LRRC43: variants seen among roughly 807,000 people sequenced by gnomAD.
The protein encoded by LRRC43 is leucine rich repeat containing 43, also known as leucine-rich repeat-containing protein 43.
Under a neutral mutation model 64.3 loss-of-function variants are expected in LRRC43, and 62 were observed. The observed-to-expected ratio is 0.96, with a 90% CI of 0.79 to 1.19. The LOEUF is 1.19. Ranked by LOEUF, LRRC43 falls within the 50% of genes most tolerant of loss-of-function variation. The pLI is 0.00. For synonymous variants in LRRC43, 422 were observed against 382.3 expected, an observed-to-expected ratio of 1.10 and a Z score of -1.21; for missense variants, 868 against 845.0, an observed-to-expected ratio of 1.03 and a Z score of -0.34.
At chr12:122,175,506 CT>C (rs201236097) in intron 1 of LRRC43, among the ~76,000 whole-genome samples, 23,011 of 140,072 alleles carry the variant, frequency 0.16, 1,851 homozygotes, top group Admixed American at 0.25. Flanking sequence ...CTTTTTCTTT[CT>C]TTTTTTTTTT....
At chr12:122,171,526 G>C (rs1254763141) in intron 1 of LRRC43, among the ~76,000 whole-genome samples, 1 of 151,648 alleles carries the variant, frequency 6.6e-6, no homozygotes, top group Non-Finnish European at 1.5e-5. Flanking sequence ...TTTTTGTTTT[G>C]TTTTGGGTTG....
At chr12:122,168,153 T>A (rs995766423) in intron 1 of LRRC43, among the ~76,000 whole-genome samples, 4 of 142,614 alleles carry the variant, frequency 2.8e-5, no homozygotes, top group Admixed American at 1.4e-4. Flanking sequence ...AAAATAGAAG[T>A]GGGAAGGCCG....
chr12:122,180,140 A>G (rs1953569617), upstream of LRRC43, among the ~76,000 whole-genome samples: 1 of 152,180 alleles, frequency 6.6e-6, no homozygotes, highest in Non-Finnish European at 1.5e-5. Context: ...ATTGGGCAAC[A>G]TGAGGTCACA....
Position 122,192,942 on chromosome 12 carries a change from C to T in LRRC43, c.1287C>T (p.Ala429=), listed in dbSNP as rs1248312197. 1.2e-6 allele frequency: 2 copies of T among 1,614,048 alleles called. No individual in the cohort carries two copies. Among genetic ancestry groups the T allele is most frequent in the Non-Finnish European group, 1.7e-6 (2 of 1,179,986 alleles). ...CGACCATCTTGCAGATGCCGAGGGC[C>T]TCTGCAGAAGAGCTGGCCAAGTTGA... The part of the protein sequence containing the change: ...GPSTILQMPR[A]SAEELAKLRL... Residue 429 remains alanine, a synonymous_variant, in exon 7 of 12, where the codon GCC becomes GCT. Transcript: ENST00000339777.
intron 10 of LRRC43, 23 bp from the exon 11 acceptor site, chr12:122,201,273 C>T (rs371797575): frequency 4.3e-6 from 7 of 1,613,646 alleles, no homozygotes; most frequent in East Asian, 2.2e-5. Flanking sequence ...GTAAGCATCT[C>T]GTTTTGTGGT....
At chr12:122,168,021 G>C (rs1042260455) in intron 1 of LRRC43, among the ~76,000 whole-genome samples, 1 of 150,894 alleles carries the variant, frequency 6.6e-6, no homozygotes, top group Non-Finnish European at 1.5e-5. Flanking sequence ...TTACCATGTT[G>C]GCCAGGCTGG....
intron 1 of LRRC43, among the ~76,000 whole-genome samples, chr12:122,175,886 C>CT (rs1237514060): frequency 5.3e-5 from 8 of 152,180 alleles, no homozygotes; most frequent in African/African-American, 1.9e-4. Context: ...AGGCTGGCCT[C>CT]TATCTCCTGA....
At chr12:122,173,841 C>A in intron 1 of LRRC43, 1 of 1,613,102 alleles carries the variant, frequency 6.2e-7, no homozygotes, top group South Asian at 1.1e-5. Flanking sequence ...CTAGGACACT[C>A]ACATCTTTCA....
chr12:122,174,379 C>G (rs1226535609), intron 1 of LRRC43, among the ~76,000 whole-genome samples: 1 of 152,236 alleles, frequency 6.6e-6, no homozygotes, highest in Non-Finnish European at 1.5e-5. Context: ...AATGGAAATG[C>G]TGAGGTTACC....
rs369393381 is a variant in LRRC43 at position 122,174,208 on chromosome 12, T to A, written c.-406+6426T>A. On this transcript the variant is annotated intron_variant, in intron 1 of 5. Transcript: ENST00000537729. ...AGCAAGGCCAGCTTCAGTGGGGGCT[T>A]CTGGAGCCAGATGTGTTCGCCATGG... 6.1e-5 allele frequency: 99 copies of A among 1,613,882 alleles called. No individual in the cohort carries two copies. The African/African-American group carries it at 1.2e-3, about 19-fold the overall frequency.
At chr12:122,192,636 T>G (rs1953731016) in intron 6 of LRRC43, 109 bp from the exon 7 acceptor site, 1 of 1,299,040 alleles carries the variant, frequency 7.7e-7, no homozygotes, top group African/African-American at 1.5e-5. Context: ...TGTCTGCTCA[T>G]GCGTGAACCT....
At chr12:122,179,397 G>C (rs1461407443), upstream of LRRC43, among the ~76,000 whole-genome samples, 1 of 152,188 alleles carries the variant, frequency 6.6e-6, no homozygotes. Flanking sequence ...CAAGCCACGT[G>C]CCCGGCCTGA....
intron 7 of LRRC43, 50 bp downstream of exon 7, chr12:122,193,054 C>G (rs779072114): frequency 6.3e-7 from 1 of 1,587,878 alleles, no homozygotes; most frequent in South Asian, 1.1e-5. Flanking sequence ...AGTAGGGTCA[C>G]GAGCCTAGAC....
chr12:122,187,789 A>T lies in LRRC43; in HGVS notation c.611A>T (p.His204Leu). Residue 204 changes from histidine to leucine, a missense_variant, in exon 4 of 12, where the codon CAC (histidine) becomes CTC (leucine). Coordinates refer to ENST00000339777, the MANE Select transcript of LRRC43 (RefSeq NM_001098519.2). ...PAGLQHLGLG[H>L]NKLLGPLESL... Reference sequence around the variant, plus strand: ...GGCCTGCAGCACTTGGGGTTAGGCCACAACAAACTTCTAGGCCCCTTGGAA... The same window carrying T: ...GGCCTGCAGCACTTGGGGTTAGGCCTCAACAAACTTCTAGGCCCCTTGGAA... 1 of 1,614,170 alleles carries T rather than the reference A, an allele frequency of 6.2e-7. No homozygotes were observed.
chr12:122,198,286 C>T (rs963831381), intron 7 of LRRC43, among the ~76,000 whole-genome samples: 2 of 152,104 alleles, frequency 1.3e-5, no homozygotes, highest in African/African-American at 4.8e-5. Flanking sequence ...TGCGCCCGGC[C>T]GAGATATAGT....
chr12:122,194,900 ATT>A lies in LRRC43; in HGVS notation c.1349+1897_1349+1898del, dbSNP rs370899863. Among the ~76,000 whole-genome samples the A allele has an allele frequency of 5.3e-4, 81 of 152,306 alleles. 1 individual carries two copies. Among genetic ancestry groups the A allele is most frequent in the African/African-American group, 1.9e-3 (79 of 41,574 alleles). On this transcript the variant is annotated intron_variant, in intron 7 of 11. Coordinates refer to ENST00000339777, the MANE Select transcript of LRRC43 (RefSeq NM_001098519.2). ...AATTTTATAGATGTTGTCTTATGCT[ATT>A]GCATTTTATTCTAATTAGAACCAAG...
chr12:122,201,720 G>C (rs1593156424), intron 11 of LRRC43, among the ~76,000 whole-genome samples: 1 of 152,196 alleles, frequency 6.6e-6, no homozygotes, highest in Non-Finnish European at 1.5e-5. Context: ...TCTCAGGTTT[G>C]AGGTTCAGAA....
chr12:122,184,187 C>T lies in LRRC43; in HGVS notation c.151-332C>T, dbSNP rs949141609. ...TCGGCTCACTGCAACCTCCGCCTCC[C>T]GGGTTCAAACGATTCTCCTGCCTTA... On this transcript the variant is annotated intron_variant, in intron 1 of 11. Transcript: ENST00000339777. This position sits in a 1 kb window ranked among gnomAD's most constrained non-coding sequence, Gnocchi z 4.0. 1.1e-4 allele frequency among the ~76,000 whole-genome samples: 16 copies of T among 151,760 alleles called. No individual in the cohort carries two copies. Among genetic ancestry groups the T allele is most frequent in the African/African-American group, 2.9e-4 (12 of 41,308 alleles).
upstream of LRRC43, among the ~76,000 whole-genome samples, chr12:122,181,329 G>A (rs1189522246): frequency 6.6e-6 from 1 of 151,920 alleles, no homozygotes; most frequent in Non-Finnish European, 1.5e-5. Context: ...GGATGACGAG[G>A]TCAGGAGATC....
Sources: allele counts gnomAD v4.1 joint callset (sites outside exome capture counted in the v4.1 genomes callset), GRCh38; gene constraint gnomAD v4.1.1; non-coding constraint Gnocchi (gnomAD v3.1); transcripts MANE v1.5; gene names NCBI Gene and HGNC (gene_info 2026-07-23, HGNC 2026-07-21).